Variants in TMC2 observed in about 807,000 individuals in gnomAD.
TMC2 encodes transmembrane channel-like protein 2.
A neutral mutation model predicts 105.9 loss-of-function variants in TMC2; 102 were observed. The observed-to-expected ratio is 0.96, with a 90% CI of 0.82 to 1.14. The LOEUF (loss-of-function observed/expected upper bound fraction) is 1.14. TMC2 is among the 50% of genes most tolerant of loss of function. The pLI is 0.00. For synonymous variants in TMC2, 402 were observed against 422.8 expected (o/e 0.95, Z 0.60); for missense variants, 1,093 against 1,134.3 (o/e 0.96, Z 0.52).
chr20:2,576,438 GC>G (rs756013533), intron 5 of TMC2, among the ~76,000 whole-genome samples: 7 of 152,318 alleles, frequency 4.6e-5, no homozygotes, highest in East Asian at 1.9e-4. Context: ...GCCTTGAGGG[GC>G]TGTCAGGTGG....
intron 10 of TMC2, among the ~76,000 whole-genome samples, 160 bp from the exon 11 acceptor site, chr20:2,601,953 T>C (rs146873550): frequency 0.033 from 5,029 of 152,354 alleles, 103 homozygotes; most frequent in Non-Finnish European, 0.049. Flanking sequence ...CATATTTTTC[T>C]AAAGAAAATA....
chr20:2,545,034 CA>C (rs34794391), intron 2 of TMC2, among the ~76,000 whole-genome samples: 17,729 of 98,280 alleles, frequency 0.18, 1,066 homozygotes, highest in African/African-American at 0.22. Context: ...CTGTCTCTAC[CA>C]AAAAAAAAAA....
chr20:2,606,891 C>CTTTTTTTTTTTTTTTTTTTTTTTT (rs11476357), intron 11 of TMC2, among the ~76,000 whole-genome samples: 1 of 83,974 alleles, frequency 1.2e-5, no homozygotes, highest in Non-Finnish European at 2.2e-5. Flanking sequence ...TTTCTTTTTT[C>CTTTTTTTTTTTTTTTTTTTTTTTT]TTTTTTTTTT....
chr20:2,612,044 A>G, intron 12 of TMC2, 147 bp from the exon 13 acceptor site: 1 of 706,340 alleles, frequency 1.4e-6, no homozygotes. Flanking sequence ...TGAAAGCCTG[A>G]GAAGGGAATT....
At chr20:2,621,287 G>A (rs1432231365) in intron 16 of TMC2, among the ~76,000 whole-genome samples, 20 of 151,660 alleles carry the variant, frequency 1.3e-4, no homozygotes, top group Admixed American at 1.3e-3. Flanking sequence ...GCTTGAACCC[G>A]GGAGGTGGAG....
intron 7 of TMC2, among the ~76,000 whole-genome samples, chr20:2,585,548 G>C (rs746307157): frequency 1.3e-5 from 2 of 152,172 alleles, no homozygotes; most frequent in African/African-American, 4.8e-5. Context: ...TTTTGACCAA[G>C]GCTACAATTA....
intron 14 of TMC2, among the ~76,000 whole-genome samples, chr20:2,615,305 AGC>A (rs1382257956): frequency 2.0e-5 from 3 of 152,230 alleles, no homozygotes; most frequent in Admixed American, 1.3e-4. Flanking sequence ...TGGGCAACAG[AGC>A]GAGACTCCGT....
chr20:2,545,863 GAA>G (rs1166071986), intron 2 of TMC2, among the ~76,000 whole-genome samples: 52 of 100,850 alleles, frequency 5.2e-4, no homozygotes, highest in African/African-American at 1.7e-3. Flanking sequence ...GAGAAAGAAA[GAA>G]AAAGAAAGAA....
At chr20:2,563,631 C>T (rs1028926781) in intron 4 of TMC2, among the ~76,000 whole-genome samples, 1 of 152,136 alleles carries the variant, frequency 6.6e-6, no homozygotes, top group African/African-American at 2.4e-5. Flanking sequence ...TCACCACATA[C>T]AAGAAACAAG....
At chr20:2,576,570 C>A (rs2086146089) in intron 5 of TMC2, among the ~76,000 whole-genome samples, 1 of 152,306 alleles carries the variant, frequency 6.6e-6, no homozygotes, top group South Asian at 2.1e-4. Context: ...AGCACCCTGA[C>A]AGGGGATCCA....
intron 17 of TMC2, among the ~76,000 whole-genome samples, chr20:2,629,143 A>G (rs927654528): frequency 6.6e-6 from 1 of 152,184 alleles, no homozygotes; most frequent in African/African-American, 2.4e-5. Context: ...CTATGAGTGT[A>G]TTGTTTATCA....
rs539714512 is a variant in TMC2 at position 2,549,159 on chromosome 20, A to AATCCCACTCTCTC, written c.83-9295_83-9283dup. On this transcript the variant is annotated intron_variant, in intron 2 of 19. Transcript: ENST00000358864. ...TGGTGCCATCACAGCTCACTTGGGT[A>AATCCCACTCTCTC]ATCCCACTCTCTCAGCCTCCCAAGT... is the stretch of plus-strand genomic sequence containing the variant. Among the ~76,000 whole-genome samples the AATCCCACTCTCTC allele has an allele frequency of 1.5e-3, 226 of 152,274 alleles. 3 individuals carry two copies. The highest frequency in any genetic ancestry group is 0.014 in the Middle Eastern group (4 of 294).
intron 8 of TMC2, among the ~76,000 whole-genome samples, chr20:2,593,084 C>A (rs774775375): frequency 3.3e-5 from 5 of 152,192 alleles, no homozygotes; most frequent in Non-Finnish European, 2.9e-5. Context: ...TTCCGCATGG[C>A]TGGGGAGGCC....
At chr20:2,591,735 G>C (rs147971942) in intron 7 of TMC2, among the ~76,000 whole-genome samples, 272 of 151,612 alleles carry the variant, frequency 1.8e-3, no homozygotes, top group African/African-American at 6.0e-3. Context: ...AAAGAGAAAA[G>C]AGAAGAAAAG....
chr20:2,550,701 C>T (rs1417020186), intron 2 of TMC2, among the ~76,000 whole-genome samples: 1 of 152,190 alleles, frequency 6.6e-6, no homozygotes, highest in East Asian at 1.9e-4. Flanking sequence ...TCTAGAGTGT[C>T]TCTTTCTCCA....
intron 8 of TMC2, among the ~76,000 whole-genome samples, chr20:2,594,225 C>CTTTTTTTTTTTTTTTTTTTTT (rs565664102): frequency 2.6e-5 from 3 of 113,780 alleles, no homozygotes; most frequent in Non-Finnish European, 3.6e-5. Context: ...CTAAGGATTC[C>CTTTTTTTTTTTTTTTTTTTTT]TTTTTTTTTT....
intron 12 of TMC2, 135 bp from the exon 13 acceptor site, chr20:2,612,056 T>C (rs16987587): frequency 0.26 from 213,469 of 809,868 alleles, 29,770 homozygotes; most frequent in African/African-American, 0.42. Flanking sequence ...AAGGGAATTT[T>C]GGAAGGACTC....
intron 2 of TMC2, among the ~76,000 whole-genome samples, chr20:2,537,853 G>A (rs2085861043): frequency 6.6e-6 from 1 of 152,122 alleles, no homozygotes; most frequent in African/African-American, 2.4e-5. Flanking sequence ...AGGGTTCAGG[G>A]GAGAGGGGCA....
chr20:2,551,777 G>T (rs909611966), intron 2 of TMC2, among the ~76,000 whole-genome samples: 5 of 151,996 alleles, frequency 3.3e-5, no homozygotes, highest in South Asian at 4.1e-4. Context: ...CATCGTCAAA[G>T]GTTGGCTATA....
Sources: gnomAD v4.1 joint callset for allele counts (sites outside exome capture counted in the v4.1 genomes callset) on GRCh38, gnomAD v4.1.1 for gene constraint, MANE v1.5 for transcripts, NCBI Gene and HGNC (gene_info 2026-07-23, HGNC 2026-07-21) for gene names.